SLC2A9: variants seen among roughly 807,000 people sequenced by gnomAD.
SLC2A9 encodes the protein solute carrier family 2 member 9.
In SLC2A9, 39 loss-of-function variants were observed where a neutral mutation model predicts 50.6. The ratio of observed to expected loss-of-function variants is 0.77; its 90% CI spans 0.60 to 1.01. SLC2A9 has a LOEUF of 1.01. Among genes scored for constraint, SLC2A9 ranks in the 50% least tolerant of loss-of-function variants. SLC2A9 has a pLI of 0.00. For synonymous variants in SLC2A9, 324 were observed against 276.9 expected, an observed-to-expected ratio of 1.17 and a Z score of -1.69; for missense variants, 686 against 677.6, an observed-to-expected ratio of 1.01 and a Z score of -0.14.
intron 5 of SLC2A9, among the ~76,000 whole-genome samples, chr4:9,960,734 T>TTGAGAGGGGTGA: frequency 6.6e-6 from 1 of 152,130 alleles, no homozygotes; most frequent in East Asian, 1.9e-4. Context: ...GTGACATGGA[T>TTGAGAGGGGTGA]TGAGAGGGGT....
At chr4:10,019,500 T>C (rs1294782087) in intron 1 of SLC2A9, among the ~76,000 whole-genome samples, 2 of 152,164 alleles carry the variant, frequency 1.3e-5, no homozygotes, top group Non-Finnish European at 2.9e-5. Context: ...CTTAGATCAG[T>C]GCTGTTATGT....
chr4:9,799,700 C>CTCCCCA (rs139684538), intron 3 of SLC2A9, among the ~76,000 whole-genome samples: 1 of 93,636 alleles, frequency 1.1e-5, no homozygotes, highest in South Asian at 4.9e-4. Context: ...GTACCCCCCC[C>CTCCCCA]CCACCCAACT....
intron 5 of SLC2A9, among the ~76,000 whole-genome samples, chr4:9,948,929 T>C (rs941438660): frequency 3.3e-5 from 5 of 152,174 alleles, no homozygotes; most frequent in African/African-American, 9.7e-5. Context: ...TGACAAAAAT[T>C]ATTTACTTGG....
intron 7 of SLC2A9, among the ~76,000 whole-genome samples, chr4:9,914,546 C>G (rs1354318541): frequency 1.3e-5 from 2 of 152,188 alleles, no homozygotes; most frequent in East Asian, 3.8e-4. Context: ...CACTCACTGG[C>G]CTTGAAGGGT....
At chr4:9,990,381 C>T (rs1401925980) in intron 3 of SLC2A9, among the ~76,000 whole-genome samples, 1 of 152,072 alleles carries the variant, frequency 6.6e-6, no homozygotes, top group Non-Finnish European at 1.5e-5. Context: ...GTGTTGGGTG[C>T]TAGGGGCCAT....
chr4:9,771,615 C>A (rs533643321), intron 1 of SLC2A9, among the ~76,000 whole-genome samples: 1 of 152,230 alleles, frequency 6.6e-6, no homozygotes, highest in Non-Finnish European at 1.5e-5. Flanking sequence ...CTCCAAGAGG[C>A]TAAGATGACT....
At chr4:9,783,490 T>C (rs745499859) in intron 3 of SLC2A9, 1 of 1,572,474 alleles carries the variant, frequency 6.4e-7, no homozygotes, top group Non-Finnish European at 8.6e-7. Context: ...CCCTCATGGA[T>C]CTGCATAACC....
upstream of SLC2A9, among the ~76,000 whole-genome samples, chr4:10,025,167 A>G (rs1187414901): frequency 6.6e-6 from 1 of 152,204 alleles, no homozygotes; most frequent in African/African-American, 2.4e-5. Context: ...ATAAATACAA[A>G]TAAATTTTCC....
intron 6 of SLC2A9, among the ~76,000 whole-genome samples, chr4:9,937,701 G>A (rs779289695): frequency 7.9e-5 from 12 of 152,194 alleles, no homozygotes; most frequent in Non-Finnish European, 1.2e-4. Flanking sequence ...GCCATCTCCA[G>A]ATGGGTATAG....
rs1319258238 is a variant in SLC2A9 at position 9,783,144 on chromosome 4, T to C, written n.386-3079A>G. The C allele has an allele frequency of 2.5e-6, 4 of 1,614,114 alleles. No individual in the cohort carries two copies. In the African/African-American group the frequency reaches 4.0e-5, roughly 16 times the overall value. ...GACTTTCAGAAGGTGTTTGCCCAGCTGCTGGGGTGCAGCCACTTCTGCTCC... is the reference window on the plus strand; with the variant it reads ...GACTTTCAGAAGGTGTTTGCCCAGCCGCTGGGGTGCAGCCACTTCTGCTCC... On this transcript the variant is annotated intron_variant and non_coding_transcript_variant, in intron 3 of 3. Transcript: ENST00000503803.
intron 8 of SLC2A9, among the ~76,000 whole-genome samples, chr4:9,902,293 A>G (rs1198764625): frequency 2.0e-5 from 3 of 152,222 alleles, no homozygotes; most frequent in African/African-American, 7.2e-5. Context: ...TCTCCACAGC[A>G]GAGACCTTTG....
chr4:9,874,023 TA>T (rs1213708831), intron 10 of SLC2A9, among the ~76,000 whole-genome samples: 2 of 152,150 alleles, frequency 1.3e-5, no homozygotes, highest in South Asian at 2.1e-4. Flanking sequence ...GGACAAAGTT[TA>T]ATTATTTCAG....
At chr4:9,829,591 T>A (rs192801105) in intron 11 of SLC2A9, among the ~76,000 whole-genome samples, 1 of 151,796 alleles carries the variant, frequency 6.6e-6, no homozygotes. Context: ...ACCTACACAA[T>A]GAGAGAAAGT....
chr4:9,901,802 T>A (rs922800496), intron 8 of SLC2A9, among the ~76,000 whole-genome samples: 1 of 152,084 alleles, frequency 6.6e-6, no homozygotes, highest in African/African-American at 2.4e-5. Context: ...TTGGCTCAAA[T>A]CAACAAGCTC....
intron 10 of SLC2A9, among the ~76,000 whole-genome samples, chr4:9,846,274 T>C (rs1209835817): frequency 6.6e-6 from 1 of 152,058 alleles, no homozygotes; most frequent in East Asian, 1.9e-4. Context: ...TATCAGCAAA[T>C]AGAACTCATG....
intron 10 of SLC2A9, among the ~76,000 whole-genome samples, chr4:9,868,091 T>A (rs567019082): frequency 1.1e-3 from 168 of 152,334 alleles, no homozygotes; most frequent in African/African-American, 3.9e-3. Context: ...AGTGGTGGAT[T>A]TGCGCCTGAC....
chr4:9,990,599 T>G (rs1757527647), intron 3 of SLC2A9, among the ~76,000 whole-genome samples: 1 of 152,176 alleles, frequency 6.6e-6, no homozygotes, highest in South Asian at 2.1e-4. Flanking sequence ...TTTCTAACCC[T>G]GCTTTCCCGG....
In SLC2A9 at chr4:9,900,060, G is replaced by GA. The variant is rs372775526; in HGVS notation, c.1113+8174dup. On this transcript the variant is annotated intron_variant, in intron 8 of 11. Coordinates refer to ENST00000264784, the MANE Select transcript of SLC2A9 (RefSeq NM_020041.3). ...TTGTTCTTGGAAATTTGGGCAAGTA[G>GA]AAAAAAAAATAGCTCTTCAAGGAGC... 4.2e-3 allele frequency among the ~76,000 whole-genome samples: 639 copies of GA among 151,384 alleles called. 2 individuals are homozygous for GA. Among genetic ancestry groups the GA allele is most frequent in the Non-Finnish European group, 6.6e-3 (445 of 67,764 alleles).
chr4:9,933,456 C>T (rs1746506946), intron 6 of SLC2A9, among the ~76,000 whole-genome samples: 1 of 152,164 alleles, frequency 6.6e-6, no homozygotes, highest in African/African-American at 2.4e-5. Context: ...CCTCTGTAAC[C>T]ATTTCCTGGC....
Sources: allele counts gnomAD v4.1 joint callset (sites outside exome capture counted in the v4.1 genomes callset), GRCh38; gene constraint gnomAD v4.1.1; transcripts MANE v1.5; gene names NCBI Gene and HGNC (gene_info 2026-07-23, HGNC 2026-07-21).